The following FRMD6 variants were observed in gnomAD, a reference collection of about 807,000 sequenced individuals.
FRMD6 encodes FERM domain-containing protein 6.
FRMD6 carries 37 observed loss-of-function variants against 73.2 expected under a neutral mutation model. That is an observed-to-expected ratio of 0.51 (90% CI 0.39 to 0.66). The LOEUF (loss-of-function observed/expected upper bound fraction) is 0.66, where lower values mean the gene tolerates loss of function less well. Among genes scored for constraint, FRMD6 ranks in the 30% least tolerant of loss-of-function variants. The pLI, the probability that FRMD6 is intolerant of heterozygous loss-of-function variation, is 0.00. For synonymous variants in FRMD6, 273 were observed against 282.2 expected, an observed-to-expected ratio of 0.97 and a Z score of 0.33; for missense variants, 714 against 780.5, an observed-to-expected ratio of 0.91 and a Z score of 1.02.
At chr14:51,488,392 C>T (rs1882825956), upstream of FRMD6, among the ~76,000 whole-genome samples, 1 of 152,158 alleles carries the variant, frequency 6.6e-6, no homozygotes, top group Non-Finnish European at 1.5e-5. Context: ...TGTTATTGTG[C>T]CAGTCTTCCA....
Position 51,632,143 on chromosome 14 carries a change from C to T in FRMD6, c.-146-57548C>T, listed in dbSNP as rs60633140. Among the ~76,000 whole-genome samples the T allele has an allele frequency of 8.2e-3, 1,250 of 152,300 alleles. 18 individuals are homozygous for T. The highest frequency in any genetic ancestry group is 0.028 in the African/African-American group (1,179 of 41,558). ...CCCTTTGCTTGGTTCTCATGCTTCTCCTTTCTGCCACCCTGTGAAGAAGGA... is the reference window on the plus strand; with the variant it reads ...CCCTTTGCTTGGTTCTCATGCTTCTTCTTTCTGCCACCCTGTGAAGAAGGA... On this transcript the variant is annotated intron_variant, in intron 2 of 14. Coordinates refer to the FRMD6 transcript ENST00000356218.
chr14:51,467,790 G>C, the FRMD6 span, among the ~76,000 whole-genome samples: 1 of 148,922 alleles, frequency 6.7e-6, no homozygotes. Context: ...AGGAAGAGGC[G>C]CTCCTCACTT....
chr14:51,547,304 G>C (rs1221274292), intron 1 of FRMD6, among the ~76,000 whole-genome samples: 2 of 152,192 alleles, frequency 1.3e-5, no homozygotes. Flanking sequence ...CGAGTGTAAA[G>C]TATCAAGCTC....
intron 1 of FRMD6, among the ~76,000 whole-genome samples, chr14:51,544,548 T>G (rs892112042): frequency 1.3e-5 from 2 of 152,066 alleles, no homozygotes; most frequent in East Asian, 3.8e-4. Flanking sequence ...CTTTGAGATT[T>G]TTTTTTACTC....
At chr14:51,476,537 A>G in the FRMD6 span, among the ~76,000 whole-genome samples, 1 of 152,194 alleles carries the variant, frequency 6.6e-6, no homozygotes, top group Non-Finnish European at 1.5e-5. Flanking sequence ...ACCCTTCACC[A>G]ATACTCTGCT....
chr14:51,681,201 C>T (rs1028820773), intron 1 of FRMD6, among the ~76,000 whole-genome samples: 2 of 152,150 alleles, frequency 1.3e-5, no homozygotes, highest in African/African-American at 2.4e-5. Context: ...TTCCTAACCC[C>T]GAGGTTAACC....
intron 2 of FRMD6, among the ~76,000 whole-genome samples, chr14:51,621,540 G>A (rs1286620905): frequency 1.3e-5 from 2 of 152,146 alleles, no homozygotes; most frequent in South Asian, 2.1e-4. Flanking sequence ...TAGGTTGTTC[G>A]AGAAGATGGG....
At chr14:51,422,165 C>T in the FRMD6 span, among the ~76,000 whole-genome samples, 1,975 of 152,076 alleles carry the variant, frequency 0.013, 42 homozygotes, top group African/African-American at 0.045. Flanking sequence ...ATCATAAAGC[C>T]GAAATTGTTC....
intron 2 of FRMD6, among the ~76,000 whole-genome samples, chr14:51,589,485 G>C (rs1326354421): frequency 3.9e-5 from 6 of 152,134 alleles, no homozygotes; most frequent in Admixed American, 3.9e-4. Context: ...GGTTGAAGAA[G>C]GGTGAGGGAG....
intron 1 of FRMD6, among the ~76,000 whole-genome samples, chr14:51,535,678 CTATA>C (rs1396664916): frequency 6.6e-6 from 1 of 152,164 alleles, no homozygotes; most frequent in Non-Finnish European, 1.5e-5. Context: ...AGTAACGTTG[CTATA>C]AACATTCATG....
intron 2 of FRMD6, chr14:51,637,465 G>GCGCGCGCA (rs377260843): frequency 1.1e-4 from 14 of 132,668 alleles, no homozygotes; most frequent in Middle Eastern, 3.8e-3. Context: ...ATACACACAG[G>GCGCGCGCA]CACACACACA....
At chr14:51,450,619 G>A in the FRMD6 span, among the ~76,000 whole-genome samples, 20 of 152,086 alleles carry the variant, frequency 1.3e-4, no homozygotes, top group Non-Finnish European at 1.6e-4. Context: ...GGAATCTAAC[G>A]TTTCCAGATA....
chr14:51,660,693 T>C (rs550678349), intron 1 of FRMD6, among the ~76,000 whole-genome samples: 1 of 150,826 alleles, frequency 6.6e-6, no homozygotes, highest in Admixed American at 6.6e-5. Flanking sequence ...ATAAGTGTTG[T>C]AGTATTTTGG....
intron 1 of FRMD6, among the ~76,000 whole-genome samples, chr14:51,663,384 C>T (rs1402768337): frequency 6.6e-6 from 1 of 152,182 alleles, no homozygotes; most frequent in Non-Finnish European, 1.5e-5. Flanking sequence ...CAGTGGTAGA[C>T]TGGATAAAGA....
intron 1 of FRMD6, among the ~76,000 whole-genome samples, chr14:51,656,989 A>G (rs1204889248): frequency 1.4e-4 from 22 of 152,220 alleles, no homozygotes; most frequent in Admixed American, 1.3e-3. Context: ...ATACATGAAG[A>G]CAGAGGGAAA....
intron 2 of FRMD6, among the ~76,000 whole-genome samples, chr14:51,634,005 T>C (rs1011067963): frequency 2.7e-5 from 4 of 145,710 alleles, no homozygotes; most frequent in Non-Finnish European, 4.5e-5. Flanking sequence ...CTGTGCATCA[T>C]GCATGTAGTT....
intron 1 of FRMD6, among the ~76,000 whole-genome samples, chr14:51,673,700 C>T (rs979582344): frequency 2.0e-5 from 3 of 152,018 alleles, no homozygotes; most frequent in Non-Finnish European, 4.4e-5. Flanking sequence ...CTGGAAGAAA[C>T]GCATTGAAAA....
chr14:51,691,885 G>T (rs1482267063), intron 2 of FRMD6, among the ~76,000 whole-genome samples: 7 of 151,976 alleles, frequency 4.6e-5, no homozygotes, highest in Non-Finnish European at 1.0e-4. Context: ...GTGAGCCATT[G>T]TGCCTGGCTA....
At chr14:51,615,875 G>T (rs142166629) in intron 2 of FRMD6, among the ~76,000 whole-genome samples, 3 of 152,300 alleles carry the variant, frequency 2.0e-5, no homozygotes, top group Non-Finnish European at 2.9e-5. Flanking sequence ...AGAGCACAAA[G>T]AATTATGTGG....
Sources: gnomAD v4.1 joint callset for allele counts (sites outside exome capture counted in the v4.1 genomes callset) on GRCh38, gnomAD v4.1.1 for gene constraint, MANE v1.5 for transcripts, NCBI Gene and HGNC (gene_info 2026-07-23, HGNC 2026-07-21) for gene names.